The following CNTNAP2 variants were observed in gnomAD, a reference collection of about 807,000 sequenced individuals.
CNTNAP2 encodes the protein contactin-associated protein-like 2.
In CNTNAP2, 98 loss-of-function variants were observed where a neutral mutation model predicts 155.2. The ratio of observed to expected loss-of-function variants is 0.63; its 90% CI spans 0.54 to 0.75. The LOEUF (loss-of-function observed/expected upper bound fraction) is 0.75, where lower values mean the gene tolerates loss of function less well. Among genes scored for constraint, CNTNAP2 ranks in the 30% least tolerant of loss-of-function variants. The pLI is 0.00. For synonymous variants in CNTNAP2, 651 were observed against 631.2 expected, an observed-to-expected ratio of 1.03 and a Z score of -0.47; for missense variants, 1,727 against 1,688.1, an observed-to-expected ratio of 1.02 and a Z score of -0.40.
intron 1 of CNTNAP2, among the ~76,000 whole-genome samples, chr7:146,575,121 C>T (rs980269201): frequency 6.6e-6 from 1 of 152,274 alleles, no homozygotes; most frequent in Middle Eastern, 3.4e-3. Flanking sequence ...GATACATTTA[C>T]ACCCTGGTAT....
intron 14 of CNTNAP2, among the ~76,000 whole-genome samples, chr7:147,915,546 G>A (rs559079145): frequency 6.6e-6 from 1 of 152,184 alleles, no homozygotes; most frequent in South Asian, 2.1e-4. Flanking sequence ...GTGTGTGCAT[G>A]TGCTTGTCTG....
At chr7:148,413,458 TTTTCTTGTAAC>T in intron 23 of CNTNAP2, among the ~76,000 whole-genome samples, 1 of 128,402 alleles carries the variant, frequency 7.8e-6, no homozygotes, top group African/African-American at 3.0e-5. Context: ...TGCTCCATAG[TTTTCTTGTAAC>T]ATTTTTCTGG....
chr7:148,217,407 C>G lies in CNTNAP2; in HGVS notation c.3130C>G (p.Pro1044Ala). ...CGCTCCCGACCAGCAGAACTCCCACCCGGACCTGGCACAGGAGGAGATCCG... is the reference window on the plus strand; with the variant it reads ...CGCTCCCGACCAGCAGAACTCCCACGCGGACCTGGCACAGGAGGAGATCCG... Reference protein sequence around the residue: ...DNAPDQQNSHPDLAQEEIRFS... With the variant: ...DNAPDQQNSHADLAQEEIRFS... Residue 1044 changes from proline to alanine, a missense_variant, in exon 19 of 24, where the codon CCG becomes GCG. By Grantham distance (27) the Pro-to-Ala change is conservative (BLOSUM62 -1). Transcript: ENST00000361727. The G allele has an allele frequency of 6.2e-7, 1 of 1,614,160 alleles. No individual in the cohort carries two copies.
At chr7:148,013,427 C>G (rs1216382814) in intron 15 of CNTNAP2, among the ~76,000 whole-genome samples, 2 of 152,154 alleles carry the variant, frequency 1.3e-5, no homozygotes, top group Non-Finnish European at 2.9e-5. Flanking sequence ...TCCTTAAAAC[C>G]TCATTCTTCC....
intron 4 of CNTNAP2, among the ~76,000 whole-genome samples, chr7:147,050,697 G>A (rs1354506003): frequency 6.6e-6 from 1 of 152,162 alleles, no homozygotes; most frequent in Non-Finnish European, 1.5e-5. Flanking sequence ...ATGCTGCCAT[G>A]TACAGATGTG....
At chr7:147,751,730 C>T (rs10244647) in intron 13 of CNTNAP2, among the ~76,000 whole-genome samples, 2,071 of 152,268 alleles carry the variant, frequency 0.014, 39 homozygotes, top group African/African-American at 0.046. Flanking sequence ...ATCACAGCCC[C>T]GAACTTGGAT....
intron 14 of CNTNAP2, among the ~76,000 whole-genome samples, chr7:147,969,208 C>T (rs1205566604): frequency 2.0e-5 from 3 of 152,048 alleles, no homozygotes; most frequent in Non-Finnish European, 4.4e-5. Context: ...TGCCACCATG[C>T]CCAGCTAATT....
chr7:148,132,707 A>G (rs889321905), intron 16 of CNTNAP2, among the ~76,000 whole-genome samples: 2 of 152,318 alleles, frequency 1.3e-5, no homozygotes, highest in Middle Eastern at 3.4e-3. Flanking sequence ...CTCCACAGGG[A>G]AAGTTTTTAT....
At chr7:147,019,133 T>C (rs1798775331) in intron 3 of CNTNAP2, among the ~76,000 whole-genome samples, 1 of 152,064 alleles carries the variant, frequency 6.6e-6, no homozygotes, top group South Asian at 2.1e-4. Flanking sequence ...TACTGAGAGT[T>C]TGTTGTCCAA....
chr7:147,347,457 C>CATATAT (rs60963934), intron 9 of CNTNAP2, among the ~76,000 whole-genome samples: 3 of 49,990 alleles, frequency 6.0e-5, no homozygotes, highest in East Asian at 8.3e-4. Context: ...TATATATATG[C>CATATAT]ATATATATAT....
At chr7:146,478,644 A>G (rs953933017) in intron 1 of CNTNAP2, among the ~76,000 whole-genome samples, 1 of 151,894 alleles carries the variant, frequency 6.6e-6, no homozygotes, top group Non-Finnish European at 1.5e-5. Context: ...AAGTAGAGAA[A>G]TCCAGATAAC....
intron 18 of CNTNAP2, among the ~76,000 whole-genome samples, chr7:148,203,392 A>G (rs1795397059): frequency 6.6e-6 from 1 of 152,212 alleles, no homozygotes; most frequent in Admixed American, 6.5e-5. Flanking sequence ...TAAACTACCA[A>G]TTCCAGTTTA....
At chr7:147,711,434 A>G (rs1796398886) in intron 13 of CNTNAP2, among the ~76,000 whole-genome samples, 1 of 152,316 alleles carries the variant, frequency 6.6e-6, no homozygotes, top group African/African-American at 2.4e-5. Context: ...GAAGCTCCCA[A>G]TGTACGAAGG....
chr7:146,706,238 T>A (rs6977310), intron 1 of CNTNAP2, among the ~76,000 whole-genome samples: 9,430 of 152,152 alleles, frequency 0.062, 945 homozygotes, highest in African/African-American at 0.21. Flanking sequence ...GTTTCGTGTG[T>A]TCTCATGGAT....
chr7:147,876,273 C>T (rs1364338231), intron 13 of CNTNAP2, among the ~76,000 whole-genome samples: 3 of 152,088 alleles, frequency 2.0e-5, no homozygotes, highest in Non-Finnish European at 4.4e-5. Flanking sequence ...ATGTATTGGG[C>T]TTTTTTCTTA....
At chr7:147,942,093 T>G (rs1800734019) in intron 14 of CNTNAP2, among the ~76,000 whole-genome samples, 1 of 152,208 alleles carries the variant, frequency 6.6e-6, no homozygotes, top group Non-Finnish European at 1.5e-5. Flanking sequence ...ACCTCACTGC[T>G]ATTTCTGAGG....
chr7:146,355,689 T>G (rs1249339312), intron 1 of CNTNAP2, among the ~76,000 whole-genome samples: 1 of 152,212 alleles, frequency 6.6e-6, no homozygotes, highest in Non-Finnish European at 1.5e-5. Context: ...TAAATCTACA[T>G]AGTCCACAAT....
chr7:147,670,705 A>G (rs2116965449), intron 13 of CNTNAP2, among the ~76,000 whole-genome samples: 2 of 152,294 alleles, frequency 1.3e-5, no homozygotes, highest in Middle Eastern at 6.8e-3. Context: ...CTTCCAACTG[A>G]AAGCCACTTC....
chr7:146,860,306 A>C (rs546531360), intron 3 of CNTNAP2, among the ~76,000 whole-genome samples: 1 of 152,280 alleles, frequency 6.6e-6, no homozygotes, highest in South Asian at 2.1e-4. Flanking sequence ...AAGCTTGCAC[A>C]CCAGGGAGGT....
Sources: allele counts gnomAD v4.1 joint callset (sites outside exome capture counted in the v4.1 genomes callset), GRCh38; gene constraint gnomAD v4.1.1; transcripts MANE v1.5; gene names NCBI Gene and HGNC (gene_info 2026-07-23, HGNC 2026-07-21).